Variants in ANKS1B observed in about 807,000 individuals in gnomAD.
The protein encoded by ANKS1B is ankyrin repeat and sterile alpha motif domain-containing protein 1B.
In ANKS1B, 36 loss-of-function variants were observed where a neutral mutation model predicts 148.3. That is an observed-to-expected ratio of 0.24 (90% CI 0.19 to 0.32). The LOEUF (loss-of-function observed/expected upper bound fraction) is 0.32. Among genes scored for constraint, ANKS1B ranks in the 10% least tolerant of loss-of-function variants. The probability of loss-of-function intolerance (pLI) is 1.00; values close to 1 mark genes in which losing one functional copy is unlikely to be tolerated. For missense variants in ANKS1B, 1,157 were observed against 1,542.6 expected (o/e 0.75, Z 4.19); for synonymous variants, 542 against 560.8 (o/e 0.97, Z 0.47).
At chr12:99,325,481 C>A (rs1040385287) in intron 12 of ANKS1B, among the ~76,000 whole-genome samples, 2 of 151,582 alleles carry the variant, frequency 1.3e-5, no homozygotes, top group African/African-American at 4.9e-5. Flanking sequence ...CATCAGTTTG[C>A]AAGGAAGAAA....
chr12:99,877,604 T>C (rs535762938), intron 1 of ANKS1B, among the ~76,000 whole-genome samples: 91 of 152,376 alleles, frequency 6.0e-4, no homozygotes, highest in African/African-American at 2.1e-3. Context: ...GACTGATATT[T>C]TAACAATGTA....
chr12:98,797,556 C>T (rs2098961160), intron 22 of ANKS1B, among the ~76,000 whole-genome samples: 1 of 152,128 alleles, frequency 6.6e-6, no homozygotes, highest in Non-Finnish European at 1.5e-5. Flanking sequence ...TATACAGAAG[C>T]TTGTTTTTTT....
intron 17 of ANKS1B, among the ~76,000 whole-genome samples, chr12:99,046,878 G>T (rs888878745): frequency 2.6e-5 from 4 of 151,080 alleles, no homozygotes; most frequent in African/African-American, 9.7e-5. Context: ...TATAATGTCC[G>T]AGATAAAAAA....
chr12:99,297,990 G>A (rs775945177), intron 12 of ANKS1B, among the ~76,000 whole-genome samples: 6 of 151,612 alleles, frequency 4.0e-5, no homozygotes, highest in Admixed American at 2.0e-4. Context: ...GTGTCTGTAC[G>A]TGTGGCCTTC....
chr12:98,953,536 G>GTTTTT (rs1567984307), intron 17 of ANKS1B, among the ~76,000 whole-genome samples: 1 of 94,340 alleles, frequency 1.1e-5, no homozygotes, highest in African/African-American at 5.5e-5. Context: ...AATCTAGAGT[G>GTTTTT]GTTTTTTTTT....
chr12:99,832,584 C>G (rs1224386042), intron 1 of ANKS1B, among the ~76,000 whole-genome samples: 1 of 151,828 alleles, frequency 6.6e-6, no homozygotes, highest in African/African-American at 2.4e-5. Context: ...ATTAGCCAGG[C>G]ATGGTGGTGC....
At chr12:99,174,883 CT>C (rs2078200551) in intron 14 of ANKS1B, among the ~76,000 whole-genome samples, 8 of 152,088 alleles carry the variant, frequency 5.3e-5, no homozygotes, top group Non-Finnish European at 1.2e-4. Flanking sequence ...AATTCCTCTT[CT>C]TGCTTTTGTC....
intron 9 of ANKS1B, among the ~76,000 whole-genome samples, chr12:99,563,768 A>G (rs992163690): frequency 4.6e-5 from 7 of 152,182 alleles, no homozygotes; most frequent in African/African-American, 1.7e-4. Context: ...TTACCTATGA[A>G]GTGCAATAAG....
intron 17 of ANKS1B, among the ~76,000 whole-genome samples, chr12:98,882,211 G>GT (rs2099709772): frequency 6.6e-6 from 1 of 152,122 alleles, no homozygotes; most frequent in Non-Finnish European, 1.5e-5. Context: ...TTCTGCCAAT[G>GT]TTTTTAAACA....
intron 12 of ANKS1B, among the ~76,000 whole-genome samples, chr12:99,291,392 T>A (rs1440245219): frequency 6.6e-6 from 1 of 151,990 alleles, no homozygotes; most frequent in Non-Finnish European, 1.5e-5. Context: ...GAAAAAAAAT[T>A]TCCTAAAATT....
intron 10 of ANKS1B, among the ~76,000 whole-genome samples, chr12:99,467,395 T>C (rs11519602): frequency 0.15 from 23,310 of 152,080 alleles, 2,242 homozygotes; most frequent in South Asian, 0.22. Flanking sequence ...GGGATGCCCT[T>C]TCTCACCACT....
intron 12 of ANKS1B, among the ~76,000 whole-genome samples, chr12:99,285,335 A>G (rs140016885): frequency 0.013 from 2,023 of 152,326 alleles, 20 homozygotes; most frequent in Middle Eastern, 0.034. Flanking sequence ...TTGTATGGAT[A>G]TAGCATAATT....
intron 17 of ANKS1B, among the ~76,000 whole-genome samples, chr12:99,025,318 A>C (rs2099948120): frequency 6.6e-6 from 1 of 152,224 alleles, no homozygotes; most frequent in South Asian, 2.1e-4. Context: ...AAGACCCTTC[A>C]AAAAAGATAT....
chr12:98,753,033 T>C (rs754027853), intron 25 of ANKS1B, among the ~76,000 whole-genome samples: 4 of 151,726 alleles, frequency 2.6e-5, no homozygotes, highest in Non-Finnish European at 4.4e-5. Context: ...CAGCTATTTC[T>C]TGAGGCTTTT....
chr12:99,487,468 G>T (rs2096506319), intron 10 of ANKS1B, among the ~76,000 whole-genome samples: 1 of 152,136 alleles, frequency 6.6e-6, no homozygotes, highest in Non-Finnish European at 1.5e-5. Flanking sequence ...TGCTTAAAAT[G>T]AAGGTGAGCT....
At chr12:99,425,709 A>C (rs1553266) in intron 11 of ANKS1B, among the ~76,000 whole-genome samples, 3,224 of 151,758 alleles carry the variant, frequency 0.021, 128 homozygotes, top group African/African-American at 0.069. Flanking sequence ...ATTTATTATT[A>C]TTCTTTTTCT....
chr12:99,610,541 G>C (rs2097892672), intron 9 of ANKS1B, among the ~76,000 whole-genome samples: 1 of 152,000 alleles, frequency 6.6e-6, no homozygotes, highest in African/African-American at 2.4e-5. Context: ...GAACCACCTT[G>C]GTGAAGAGGA....
chr12:99,436,509 T>G (rs540330189), intron 11 of ANKS1B, among the ~76,000 whole-genome samples: 7 of 152,156 alleles, frequency 4.6e-5, no homozygotes, highest in African/African-American at 1.4e-4. Flanking sequence ...CTGTACTCTT[T>G]CCAAGTTATA....
At chr12:99,953,604 AACCTT>A (rs2095266025) in intron 1 of ANKS1B, among the ~76,000 whole-genome samples, 1 of 152,086 alleles carries the variant, frequency 6.6e-6, no homozygotes, top group Non-Finnish European at 1.5e-5. Context: ...AAAAAAAAAA[AACCTT>A]AGCAAGAGTA....
Sources: gnomAD v4.1 joint callset for allele counts (sites outside exome capture counted in the v4.1 genomes callset) on GRCh38, gnomAD v4.1.1 for gene constraint, MANE v1.5 for transcripts, NCBI Gene and HGNC (gene_info 2026-07-23, HGNC 2026-07-21) for gene names.